The following HTR4 variants were observed in gnomAD, a reference collection of about 807,000 sequenced individuals.
The protein encoded by HTR4 is 5-hydroxytryptamine (serotonin) receptor 4, G protein-coupled.
HTR4 carries 16 observed loss-of-function variants against 36.8 expected under a neutral mutation model. The observed-to-expected ratio is 0.43, with a 90% CI of 0.29 to 0.66. The LOEUF (loss-of-function observed/expected upper bound fraction) is 0.66. HTR4 is among the 30% of genes least tolerant of loss of function. HTR4 has a pLI of 0.13. For missense variants in HTR4, 438 were observed against 490.9 expected, an observed-to-expected ratio of 0.89 and a Z score of 1.02; for synonymous variants, 189 against 185.1, an observed-to-expected ratio of 1.02 and a Z score of -0.17.
chr5:148,609,407 T>C (rs891630102), intron 2 of HTR4, among the ~76,000 whole-genome samples: 6 of 152,284 alleles, frequency 3.9e-5, no homozygotes, highest in Non-Finnish European at 8.8e-5. Flanking sequence ...ATCAAGGATA[T>C]GAATTTTTGA....
chr5:148,528,351 G>A (rs1758388485), intron 4 of HTR4, among the ~76,000 whole-genome samples: 1 of 152,042 alleles, frequency 6.6e-6, no homozygotes, highest in Non-Finnish European at 1.5e-5. Context: ...CTTATTTGGA[G>A]CTCGAATTCT....
intron 5 of HTR4, 110 bp from the exon 6 acceptor site, chr5:148,510,134 G>A: frequency 3.0e-6 from 2 of 655,786 alleles, no homozygotes; most frequent in South Asian, 2.1e-5. Context: ...AAAGGGAAAA[G>A]GAAGAAAGTG....
At chr5:148,525,000 C>A (rs1020393751) in intron 4 of HTR4, among the ~76,000 whole-genome samples, 2 of 152,084 alleles carry the variant, frequency 1.3e-5, no homozygotes, top group African/African-American at 2.4e-5. Flanking sequence ...CGACATTGTG[C>A]CAAAAGCTCC....
At chr5:148,622,731 G>A (rs1202997148) in intron 2 of HTR4, among the ~76,000 whole-genome samples, 1 of 152,134 alleles carries the variant, frequency 6.6e-6, no homozygotes, top group Non-Finnish European at 1.5e-5. Flanking sequence ...TAGATATTGT[G>A]AGACTTAGAT....
downstream of HTR4, chr5:148,481,322 T>C (rs1259990632): frequency 3.7e-6 from 2 of 541,976 alleles, no homozygotes; most frequent in Non-Finnish European, 6.5e-6. Context: ...TAAGTTAGAA[T>C]TTAAATAAAC....
At chr5:148,568,562 A>C (rs1296253048) in intron 2 of HTR4, among the ~76,000 whole-genome samples, 1 of 152,108 alleles carries the variant, frequency 6.6e-6, no homozygotes, top group African/African-American at 2.4e-5. Flanking sequence ...CCATGAGCTT[A>C]ACTAAAGACA....
chr5:148,581,434 CT>C (rs1761131382), intron 2 of HTR4, among the ~76,000 whole-genome samples: 1 of 91,042 alleles, frequency 1.1e-5, no homozygotes, highest in Non-Finnish European at 2.0e-5. Context: ...TGACAAGAAG[CT>C]TTTCCCCTCT....
chr5:148,487,119 T>C (rs1373018217), intron 6 of HTR4, among the ~76,000 whole-genome samples: 1 of 152,178 alleles, frequency 6.6e-6, no homozygotes, highest in East Asian at 1.9e-4. Context: ...TCACATTTAA[T>C]CTTCAATGCA....
At chr5:148,544,585 A>G (rs747580137) in intron 4 of HTR4, among the ~76,000 whole-genome samples, 5 of 152,166 alleles carry the variant, frequency 3.3e-5, no homozygotes. Context: ...ACAGTACTTT[A>G]GATCTTAAAA....
intron 4 of HTR4, among the ~76,000 whole-genome samples, chr5:148,536,054 A>G (rs191735023): frequency 7.4e-4 from 112 of 152,314 alleles, no homozygotes; most frequent in African/African-American, 2.6e-3. Flanking sequence ...CTGAAACCCT[A>G]CAGACCAGAA....
At chr5:148,581,116 T>A (rs972482875) in intron 2 of HTR4, among the ~76,000 whole-genome samples, 2 of 151,972 alleles carry the variant, frequency 1.3e-5, no homozygotes, top group African/African-American at 4.8e-5. Flanking sequence ...ATAGTAAGCA[T>A]CTCTTTTGTT....
At chr5:148,624,543 T>C (rs1257601346) in intron 2 of HTR4, among the ~76,000 whole-genome samples, 1 of 152,134 alleles carries the variant, frequency 6.6e-6, no homozygotes, top group East Asian at 1.9e-4. Flanking sequence ...ACCTAAGGGA[T>C]ACAAAATAAA....
intron 2 of HTR4, chr5:148,628,553 T>C (rs187902565): frequency 2.0e-5 from 3 of 152,328 alleles, no homozygotes; most frequent in African/African-American, 7.2e-5. Context: ...AGATAGTTTG[T>C]CTTTGGAGAG....
intron 5 of HTR4, chr5:148,520,922 C>T (rs146826553): frequency 2.6e-5 from 35 of 1,367,682 alleles, no homozygotes; most frequent in Non-Finnish European, 3.3e-5. Context: ...TCTGACATAC[C>T]GCATGAAAAT....
intron 2 of HTR4, among the ~76,000 whole-genome samples, chr5:148,584,819 CT>C (rs1761289309): frequency 6.6e-6 from 1 of 152,180 alleles, no homozygotes. Flanking sequence ...GGCATCACAT[CT>C]TCCCTTTTCT....
chr5:148,496,926 C>T (rs78924106), intron 6 of HTR4, among the ~76,000 whole-genome samples: 5,630 of 152,176 alleles, frequency 0.037, 126 homozygotes, highest in African/African-American at 0.057. Flanking sequence ...ACATAGTTCC[C>T]GTGAATCAAA....
chr5:148,653,977 G>A, intron 1 of HTR4, 85 bp downstream of exon 1: 2 of 824,192 alleles, frequency 2.4e-6, no homozygotes, highest in East Asian at 1.3e-4. Flanking sequence ...CCCCGACCCC[G>A]TCGTGCTGCC....
In HTR4 at chr5:148,505,623, C is replaced by T. The variant is rs556195994; in HGVS notation, c.1076+3833G>A. Reference sequence around the variant, plus strand: ...TGACATGACTGTATATTTAGAAAACCCCATCGTCTCAGCCCAAAATCTCCT... The same window carrying T: ...TGACATGACTGTATATTTAGAAAACTCCATCGTCTCAGCCCAAAATCTCCT... On this transcript the variant is annotated intron_variant, in intron 6 of 6. Coordinates refer to ENST00000377888, the MANE Select transcript of HTR4 (RefSeq NM_000870.7). Among the ~76,000 whole-genome samples the T allele has an allele frequency of 6.1e-3, 931 of 152,190 alleles. 11 individuals carry two copies. The highest frequency in any genetic ancestry group is 0.021 in the African/African-American group (882 of 41,494).
intron 2 of HTR4, among the ~76,000 whole-genome samples, chr5:148,603,190 C>T (rs1050446924): frequency 6.6e-5 from 10 of 151,576 alleles, no homozygotes; most frequent in East Asian, 1.9e-4. Flanking sequence ...TGAATAAAAC[C>T]GCATCTAAAG....
Sources: gnomAD v4.1 joint callset for allele counts (sites outside exome capture counted in the v4.1 genomes callset) on GRCh38, gnomAD v4.1.1 for gene constraint, MANE v1.5 for transcripts, NCBI Gene and HGNC (gene_info 2026-07-23, HGNC 2026-07-21) for gene names.